Variants in TSPAN2 observed in about 807,000 individuals in gnomAD.
TSPAN2 encodes tetraspanin-2.
A neutral mutation model predicts 33.3 loss-of-function variants in TSPAN2; 24 were observed. The ratio of observed to expected loss-of-function variants is 0.72; its 90% CI spans 0.52 to 1.01. The LOEUF (loss-of-function observed/expected upper bound fraction) is 1.01. TSPAN2 is among the 50% of genes least tolerant of loss of function. The probability of loss-of-function intolerance (pLI) is 0.00; values close to 1 mark genes in which losing one functional copy is unlikely to be tolerated. For synonymous variants in TSPAN2, 114 were observed against 104.5 expected (o/e 1.09, Z -0.56); for missense variants, 278 against 281.3 (o/e 0.99, Z 0.08).
intron 6 of TSPAN2, 54 bp from the exon 7 acceptor site, chr1:115,053,516 T>A: frequency 7.0e-7 from 1 of 1,437,658 alleles, no homozygotes; most frequent in Non-Finnish European, 9.8e-7. Context: ...TGTCAGTCAT[T>A]ATCCTGATCC....
intron 1 of TSPAN2, among the ~76,000 whole-genome samples, chr1:115,089,068 G>T (rs1648955159): frequency 6.6e-6 from 1 of 152,074 alleles, no homozygotes; most frequent in Non-Finnish European, 1.5e-5. Context: ...CCCCGCACCT[G>T]GGGTCACTAG....
At chr1:115,085,635 T>C (rs1278387751) in intron 1 of TSPAN2, among the ~76,000 whole-genome samples, 1 of 152,066 alleles carries the variant, frequency 6.6e-6, no homozygotes, top group Admixed American at 6.6e-5. Context: ...CCCCCACCCC[T>C]TTCCCAAACT....
chr1:115,084,954 G>T (rs138464179), intron 1 of TSPAN2, among the ~76,000 whole-genome samples: 1 of 152,200 alleles, frequency 6.6e-6, no homozygotes, highest in Non-Finnish European at 1.5e-5. Context: ...GAACAGCTCT[G>T]CTTCCTGTGG....
rs117212858 is a variant in TSPAN2, at chr1:115,075,487, A to T, written c.70-2480T>A. On this transcript the variant is annotated intron_variant, in intron 1 of 7. Transcript: ENST00000369516. Reference sequence around the variant, plus strand: ...GTGGCATCGGCACAGACCACACAGCACTTTGGTCCTTTTTAACTCGCCATT... The same window carrying T: ...GTGGCATCGGCACAGACCACACAGCTCTTTGGTCCTTTTTAACTCGCCATT... 8.5e-5 allele frequency among the ~76,000 whole-genome samples: 13 copies of T among 152,310 alleles called. No individual in the cohort carries two copies. The East Asian group carries it at 1.9e-3, about 23-fold the overall frequency.
At chr1:115,051,973 T>C (rs749726383) in intron 7 of TSPAN2, among the ~76,000 whole-genome samples, 9 of 152,244 alleles carry the variant, frequency 5.9e-5, no homozygotes, top group Non-Finnish European at 1.2e-4. Context: ...ATGTAATCCC[T>C]ACCCATCCTG....
At chr1:115,077,280 T>A (rs2101043660) in intron 1 of TSPAN2, among the ~76,000 whole-genome samples, 1 of 150,868 alleles carries the variant, frequency 6.6e-6, no homozygotes, top group South Asian at 2.1e-4. Flanking sequence ...GATAAAATAG[T>A]ATTTAAGGGC....
chr1:115,084,328 C>A (rs1400961636), intron 1 of TSPAN2, among the ~76,000 whole-genome samples: 1 of 152,176 alleles, frequency 6.6e-6, no homozygotes, highest in Non-Finnish European at 1.5e-5. Flanking sequence ...AGAGGTTAAA[C>A]AACTTGCCCA....
At chr1:115,087,071 C>G (rs1168061592) in intron 1 of TSPAN2, among the ~76,000 whole-genome samples, 1 of 152,022 alleles carries the variant, frequency 6.6e-6, no homozygotes, top group African/African-American at 2.4e-5. Context: ...AGGCACCCAC[C>G]ACCATGCCCG....
intron 1 of TSPAN2, among the ~76,000 whole-genome samples, chr1:115,074,249 G>A (rs1648309265): frequency 6.6e-6 from 1 of 152,140 alleles, no homozygotes; most frequent in African/African-American, 2.4e-5. Context: ...TTTATACAGG[G>A]GACTTCTGTC....
At chr1:115,080,951 T>C (rs1570984615) in intron 1 of TSPAN2, among the ~76,000 whole-genome samples, 2 of 152,264 alleles carry the variant, frequency 1.3e-5, no homozygotes, top group Admixed American at 6.5e-5. Context: ...TATTTATTTA[T>C]AGTGGTTGGG....
chr1:115,061,833 C>T (rs72697925), intron 3 of TSPAN2, among the ~76,000 whole-genome samples: 8,829 of 152,034 alleles, frequency 0.058, 284 homozygotes, highest in Middle Eastern at 0.14. Flanking sequence ...CCATCACACC[C>T]GGTAGAGACT....
intron 4 of TSPAN2, 60 bp downstream of exon 4, chr1:115,060,404 G>T: frequency 7.6e-7 from 1 of 1,309,954 alleles, no homozygotes; most frequent in East Asian, 2.3e-5. Context: ...ACTATTGTGG[G>T]TATCAATATT....
At chr1:115,051,000 G>A (rs1200647183) in intron 7 of TSPAN2, among the ~76,000 whole-genome samples, 1 of 152,148 alleles carries the variant, frequency 6.6e-6, no homozygotes, top group African/African-American at 2.4e-5. Flanking sequence ...TTTTACAACA[G>A]TGTCCATACA....
At position 115,087,615 on chromosome 1, in the gene TSPAN2, C is replaced by CAAA. The variant is rs58524726; in HGVS notation, c.69+1746_69+1748dup. On this transcript the variant is annotated intron_variant, in intron 1 of 7. Coordinates refer to ENST00000369516, the MANE Select transcript of TSPAN2 (RefSeq NM_005725.6). ...TGGGCTACAGAGTGAGACTCCGTCT[C>CAAA]AAAAAAAAAAAAAAAAAAAGAGAAG... Among the ~76,000 whole-genome samples the CAAA allele has an allele frequency of 2.9e-4, 27 of 92,146 alleles. 2 individuals are homozygous for CAAA. The highest frequency in any genetic ancestry group is 7.6e-4 in the South Asian group (2 of 2,616). 60.5% of individuals were successfully genotyped at this position (92,146 alleles called of 152,430 possible). A position where few individuals can be genotyped will look rare whatever the true frequency, so the allele number is the denominator to read the frequency against.
At chr1:115,056,268 G>A (rs73006283) in intron 6 of TSPAN2, among the ~76,000 whole-genome samples, 3,856 of 152,120 alleles carry the variant, frequency 0.025, 189 homozygotes, top group African/African-American at 0.089. Context: ...TTTGGACTTT[G>A]ACTTTTGTAA....
In TSPAN2 at chr1:115,050,168, C is replaced by CT. The variant is rs1170899348; in HGVS notation, c.*321dup. ...TCAAAGTTTCTGAAAGCTCTTTGAT[C>CT]TTTTTTTTCTGGGAGCGAAATAGGT... On this transcript the variant is annotated 3_prime_UTR_variant, in exon 8 of 8. Transcript: ENST00000369516. 27 of 275,200 alleles carry CT rather than the reference C, an allele frequency of 9.8e-5. No homozygotes were observed. Among genetic ancestry groups the CT allele is most frequent in the East Asian group, 4.2e-4 (4 of 9,464 alleles). The allele number at this position is 275,200 out of a possible 1,614,324, so 17.0% of individuals were successfully genotyped here.
chr1:115,085,304 A>G (rs1262718411), intron 1 of TSPAN2, among the ~76,000 whole-genome samples: 2 of 152,192 alleles, frequency 1.3e-5, no homozygotes, highest in Non-Finnish European at 2.9e-5. Flanking sequence ...TTCAGTGGTG[A>G]GTACAGTCAG....
chr1:115,079,137 C>CCACACACA (rs202132434), intron 1 of TSPAN2, among the ~76,000 whole-genome samples: 7,245 of 146,706 alleles, frequency 0.049, 267 homozygotes, highest in African/African-American at 0.093. Flanking sequence ...AATTATAGCG[C>CCACACACA]CACACACACA....
chr1:115,072,246 G>C (rs113756495), intron 2 of TSPAN2, among the ~76,000 whole-genome samples: 9 of 152,150 alleles, frequency 5.9e-5, no homozygotes, highest in African/African-American at 1.9e-4. Context: ...CCTTCCTACA[G>C]AGGTGGGGTC....
Sources: gnomAD v4.1 joint callset for allele counts (sites outside exome capture counted in the v4.1 genomes callset) on GRCh38, gnomAD v4.1.1 for gene constraint, MANE v1.5 for transcripts, NCBI Gene and HGNC (gene_info 2026-07-23, HGNC 2026-07-21) for gene names.